LRMDA: variants seen among roughly 807,000 people sequenced by gnomAD.
LRMDA encodes the protein leucine rich melanocyte differentiation associated.
Under a neutral mutation model 29.8 loss-of-function variants are expected in LRMDA, and 18 were observed. The observed-to-expected ratio is 0.60, with a 90% confidence interval of 0.42 to 0.90. The LOEUF (loss-of-function observed/expected upper bound fraction) is 0.90, where lower values mean the gene tolerates loss of function less well. Among genes scored for constraint, LRMDA ranks in the 40% least tolerant of loss-of-function variants. The pLI, the probability that LRMDA is intolerant of heterozygous loss-of-function variation, is 0.00. For synonymous variants in LRMDA, 125 were observed against 109.4 expected (o/e 1.14, Z -0.89); for missense variants, 273 against 273.9 (o/e 1.00, Z 0.02).
At chr10:75,528,020 A>C (rs1354799513) in intron 2 of LRMDA, among the ~76,000 whole-genome samples, 2 of 151,970 alleles carry the variant, frequency 1.3e-5, no homozygotes, top group Non-Finnish European at 2.9e-5. Flanking sequence ...TCCTGAGCTC[A>C]AGCAATCTAC....
chr10:76,168,673 G>T lies in LRMDA; in HGVS notation c.516+109890G>T, dbSNP rs181271723. Among the ~76,000 whole-genome samples, 389 of 152,274 alleles carry T rather than the reference G, an allele frequency of 2.6e-3. 1 individual carries two copies. Among genetic ancestry groups the T allele is most frequent in the African/African-American group, 6.2e-3 (257 of 41,562 alleles). On this transcript the variant is annotated intron_variant, in intron 5 of 6. Coordinates refer to ENST00000611255, the MANE Select transcript of LRMDA (RefSeq NM_001305581.2). ...AAACTGTATGATGAGTAGATGAAAG[G>T]GGATGATGAGTAGATGAAACTGTAT...
At chr10:76,556,882 G>C (rs1843564330) in intron 6 of LRMDA, among the ~76,000 whole-genome samples, 1 of 152,138 alleles carries the variant, frequency 6.6e-6, no homozygotes, top group Non-Finnish European at 1.5e-5. Context: ...TCTACTAAGG[G>C]AAACTGGCGT....
chr10:76,208,129 A>G (rs1259904751), intron 5 of LRMDA, among the ~76,000 whole-genome samples: 1 of 152,218 alleles, frequency 6.6e-6, no homozygotes, highest in African/African-American at 2.4e-5. Context: ...TCAATTAAAT[A>G]TTATATAAAC....
At chr10:75,783,870 G>A (rs1788523541) in intron 2 of LRMDA, among the ~76,000 whole-genome samples, 1 of 152,164 alleles carries the variant, frequency 6.6e-6, no homozygotes, top group Non-Finnish European at 1.5e-5. Flanking sequence ...TTAAGGATAT[G>A]CCCTCATGGT....
intron 2 of LRMDA, among the ~76,000 whole-genome samples, chr10:75,511,803 T>G (rs180904484): frequency 3.9e-5 from 6 of 152,330 alleles, no homozygotes; most frequent in African/African-American, 1.4e-4. Context: ...ACCTTCTAGA[T>G]CATGAGCTCC....
At chr10:75,938,458 C>T (rs1466064021) in intron 2 of LRMDA, among the ~76,000 whole-genome samples, 2 of 152,110 alleles carry the variant, frequency 1.3e-5, no homozygotes, top group African/African-American at 2.4e-5. Context: ...GATTTGTGCC[C>T]GAACCATGCT....
chr10:76,231,954 AT>A (rs1414167224), intron 5 of LRMDA, among the ~76,000 whole-genome samples: 1 of 152,188 alleles, frequency 6.6e-6, no homozygotes, highest in Admixed American at 6.5e-5. Flanking sequence ...TCTAAAGAGA[AT>A]TTTAGGGAGA....
rs148997386 is a variant in LRMDA, at chr10:75,878,019, G to A, written c.132-157989G>A. Among the ~76,000 whole-genome samples the A allele has an allele frequency of 6.7e-3, 1,019 of 152,260 alleles. 14 individuals carry two copies. Among genetic ancestry groups the A allele is most frequent in the African/African-American group, 0.023 (968 of 41,526 alleles). On this transcript the variant is annotated intron_variant, in intron 2 of 6. Transcript: ENST00000611255. ...ACCCCTTGGGGAAGCATGCAGACGG[G>A]CAGGTCATGAAGAGTGTTTTTGGAC... is the stretch of plus-strand genomic sequence containing the variant.
At chr10:76,367,067 G>A (rs4746388) in intron 6 of LRMDA, among the ~76,000 whole-genome samples, 3,261 of 152,166 alleles carry the variant, frequency 0.021, 129 homozygotes, top group African/African-American at 0.072. Flanking sequence ...ATTGACTTGC[G>A]TATGTTAAAC....
At position 75,741,665 on chromosome 10, in the gene LRMDA, G is replaced by A. The variant is rs970705388; in HGVS notation, c.132-294343G>A. 1.6e-4 allele frequency among the ~76,000 whole-genome samples: 24 copies of A among 152,272 alleles called. No individual in the cohort carries two copies. In the South Asian group the frequency reaches 1.7e-3, roughly 11 times the overall value. On this transcript the variant is annotated intron_variant, in intron 2 of 6. Transcript: ENST00000611255. ...ATGCTGTGGATTTTTCAGAGCAACC[G>A]CGTTCTTAATCCTTATCTTCGTTTT...
chr10:76,143,869 A>G (rs1367933778), intron 5 of LRMDA, among the ~76,000 whole-genome samples: 3 of 152,174 alleles, frequency 2.0e-5, no homozygotes, highest in Non-Finnish European at 4.4e-5. Context: ...TAATTTTTGT[A>G]TAAGTTGTAA....
chr10:75,696,269 G>A (rs1842232622), intron 2 of LRMDA, among the ~76,000 whole-genome samples: 1 of 152,218 alleles, frequency 6.6e-6, no homozygotes, highest in Non-Finnish European at 1.5e-5. Flanking sequence ...ATTGGCAGAG[G>A]GACTCTGATT....
rs114108555 is a variant in LRMDA at position 75,434,185 on chromosome 10, G to T, written c.30+2431G>T. On this transcript the variant is annotated intron_variant, in intron 1 of 6. Coordinates refer to ENST00000611255, the MANE Select transcript of LRMDA (RefSeq NM_001305581.2). ...TGGAATTTGGGCACTGAAATCTTGC[G>T]CCCAAGAGATATTGGAATAATGAAT... Among the ~76,000 whole-genome samples the T allele has an allele frequency of 1.8e-3, 278 of 152,284 alleles. 2 individuals carry two copies. Among genetic ancestry groups the T allele is most frequent in the African/African-American group, 6.0e-3 (248 of 41,558 alleles).
At chr10:76,153,138 CT>C (rs1406360703) in intron 5 of LRMDA, among the ~76,000 whole-genome samples, 1 of 152,026 alleles carries the variant, frequency 6.6e-6, no homozygotes, top group Non-Finnish European at 1.5e-5. Flanking sequence ...CACGCCTGGC[CT>C]TTTTTGGCTA....
In LRMDA at chr10:76,280,944, C is replaced by T. The variant is rs148237138; in HGVS notation, c.517-43457C>T. On this transcript the variant is annotated intron_variant, in intron 5 of 6. Coordinates refer to ENST00000611255, the MANE Select transcript of LRMDA (RefSeq NM_001305581.2). ...AATTGCTTGTGGCCTTATTGATATACAGGCTAAGGATTAAAAAATTATAAT... is the reference window on the plus strand; with the variant it reads ...AATTGCTTGTGGCCTTATTGATATATAGGCTAAGGATTAAAAAATTATAAT... Among the ~76,000 whole-genome samples the T allele has an allele frequency of 9.5e-4, 144 of 152,278 alleles. 2 individuals carry two copies. The South Asian group carries it at 0.016, about 17-fold the overall frequency.
At chr10:76,173,854 G>T (rs1005413057) in intron 5 of LRMDA, among the ~76,000 whole-genome samples, 2 of 152,090 alleles carry the variant, frequency 1.3e-5, no homozygotes, top group Non-Finnish European at 2.9e-5. Context: ...TGGAGATGGG[G>T]TTTCACCGTG....
intron 2 of LRMDA, among the ~76,000 whole-genome samples, chr10:75,531,003 T>C (rs913589097): frequency 6.6e-6 from 1 of 152,208 alleles, no homozygotes; most frequent in African/African-American, 2.4e-5. Flanking sequence ...GGCTGTGTTA[T>C]ATATCATCTG....
intron 5 of LRMDA, among the ~76,000 whole-genome samples, chr10:76,269,823 CAG>C (rs1354892175): frequency 6.6e-6 from 1 of 152,134 alleles, no homozygotes; most frequent in Non-Finnish European, 1.5e-5. Context: ...GAAATAAGTT[CAG>C]AGAGGTTAAG....
intron 5 of LRMDA, among the ~76,000 whole-genome samples, chr10:76,233,981 T>A (rs1852105311): frequency 6.6e-6 from 1 of 152,256 alleles, no homozygotes; most frequent in Non-Finnish European, 1.5e-5. Context: ...ATCACAAATG[T>A]TCTTAGTAAC....
Sources: allele counts gnomAD v4.1 joint callset (sites outside exome capture counted in the v4.1 genomes callset), GRCh38; gene constraint gnomAD v4.1.1; transcripts MANE v1.5; gene names NCBI Gene and HGNC (gene_info 2026-07-23, HGNC 2026-07-21).